SAP30BP: variants seen among roughly 807,000 people sequenced by gnomAD.
SAP30BP encodes SAP30 binding protein, also known as SAP30-binding protein.
Under a neutral mutation model 46.3 loss-of-function variants are expected in SAP30BP, and 31 were observed. The observed-to-expected ratio is 0.67, with a 90% CI of 0.50 to 0.90. The LOEUF is 0.90. SAP30BP is among the 40% of genes least tolerant of loss of function. The probability of loss-of-function intolerance (pLI) is 0.00; values close to 1 mark genes in which losing one functional copy is unlikely to be tolerated. For missense variants in SAP30BP, 312 were observed against 391.0 expected (o/e 0.80, Z 1.70); for synonymous variants, 169 against 144.2 (o/e 1.17, Z -1.23).
chr17:75,704,914 C>G, intron 9 of SAP30BP, 100 bp downstream of exon 9: 1 of 923,548 alleles, frequency 1.1e-6, no homozygotes, highest in South Asian at 1.3e-5. Context: ...CCAACCCTGG[C>G]CCCGTGTCAT....
In SAP30BP at chr17:75,668,509, C is replaced by T. The variant is rs2059846878; in HGVS notation, c.107-7C>T. On this transcript the variant is annotated splice_polypyrimidine_tract_variant and splice_region_variant and intron_variant, in intron 1 of 10. Coordinates refer to ENST00000584667, the MANE Select transcript of SAP30BP (RefSeq NM_013260.8). The stretch of plus-strand genomic sequence containing the variant: ...TTTGTTTGTTTGTTTGTTTTTTAAC[C>T]TTTCAGAGGAGAAAGGCGGATTGGT... The T allele has an allele frequency of 4.0e-6, 6 of 1,491,774 alleles. No homozygotes were observed. Among genetic ancestry groups the T allele is most frequent in the East Asian group, 2.4e-5 (1 of 41,602 alleles). The allele number at this position is 1,491,774 out of a possible 1,614,324, so 92.4% of individuals were successfully genotyped here.
At chr17:75,682,778 A>G (rs1473198716) in intron 3 of SAP30BP, among the ~76,000 whole-genome samples, 1 of 141,194 alleles carries the variant, frequency 7.1e-6, no homozygotes, top group Non-Finnish European at 1.5e-5. Context: ...CCTGGCCAAC[A>G]TAGTGAAACC....
At chr17:75,694,419 G>A (rs932136961) in intron 4 of SAP30BP, among the ~76,000 whole-genome samples, 9 of 152,342 alleles carry the variant, frequency 5.9e-5, no homozygotes, top group East Asian at 5.8e-4. Context: ...GTGGGAACAC[G>A]GTAACGCTGA....
chr17:75,674,697 G>GTTTTTTGTTTTTTTT (rs2059960357), intron 3 of SAP30BP, among the ~76,000 whole-genome samples: 8 of 61,534 alleles, frequency 1.3e-4, no homozygotes, highest in East Asian at 5.2e-4. Flanking sequence ...TTTGTTTTTT[G>GTTTTTTGTTTTTTTT]TTTTTTTTTT....
At chr17:75,683,258 G>A (rs2060111422) in intron 3 of SAP30BP, among the ~76,000 whole-genome samples, 2 of 151,470 alleles carry the variant, frequency 1.3e-5, no homozygotes, top group African/African-American at 2.4e-5. Flanking sequence ...TGTTGGCCAA[G>A]CTGGTCTCGG....
Position 75,703,323 on chromosome 17 carries a change from G to A in SAP30BP, c.501G>A (p.Lys167=), listed in dbSNP as rs1364514013. 1 of 1,614,152 alleles carries A rather than the reference G, an allele frequency of 6.2e-7. No individual in the cohort carries two copies. The highest frequency in any genetic ancestry group is 1.3e-5 in the African/African-American group (1 of 75,070). ...ACTGTTCTTTCAGCATCTACGAGAAGCTGATCCAGTTCTGTGCCATTGACG... is the reference window on the plus strand; with the variant it reads ...ACTGTTCTTTCAGCATCTACGAGAAACTGATCCAGTTCTGTGCCATTGACG... ...KEFRNPSIYE[K]LIQFCAIDEL... Residue 167 remains lysine, a synonymous_variant, in exon 7 of 11, where the codon AAG becomes AAA. Coordinates refer to ENST00000584667, the MANE Select transcript of SAP30BP (RefSeq NM_013260.8).
Position 75,703,351 on chromosome 17 carries a change from C to T in SAP30BP, c.529C>T (p.Leu177Phe). ...KLIQFCAIDELGTNYPKDMFD... is the reference protein window; with the variant it reads ...KLIQFCAIDEFGTNYPKDMFD... ...GATCCAGTTCTGTGCCATTGACGAG[C>T]TTGGCACCAACTACCCAAAGGTGCG... The change falls in exon 7 of 11, where the codon CTT becomes TTT. Residue 177 changes from leucine to phenylalanine, a missense_variant. Leu to Phe is a conservative substitution (Grantham distance 22). This residue lies in a region of SAP30BP where 296 missense variants were observed against 346.6 expected (regional missense o/e 0.85). Transcript: ENST00000584667. 6.2e-7 allele frequency: 1 copy of T among 1,614,118 alleles called. No homozygotes were observed. The highest frequency in any genetic ancestry group is 8.5e-7 in the Non-Finnish European group (1 of 1,180,004).
chr17:75,695,460 T>C (rs1233940303), intron 4 of SAP30BP, among the ~76,000 whole-genome samples: 5 of 152,224 alleles, frequency 3.3e-5, no homozygotes, highest in Non-Finnish European at 7.3e-5. Context: ...TTTCTTTTTG[T>C]AGCCAAGTAA....
chr17:75,703,470 TGGC>T (rs2060445963), intron 7 of SAP30BP, 99 bp downstream of exon 7: 1 of 1,036,378 alleles, frequency 9.6e-7, no homozygotes, highest in African/African-American at 1.6e-5. Flanking sequence ...GTCCACGTGG[TGGC>T]ACGGCTCGTT....
intron 4 of SAP30BP, among the ~76,000 whole-genome samples, chr17:75,694,538 C>G (rs2148408090): frequency 6.6e-6 from 1 of 152,316 alleles, no homozygotes; most frequent in African/African-American, 2.4e-5. Flanking sequence ...AGAGTTTCTT[C>G]TTTAGAAAGT....
chr17:75,687,618 G>GA (rs112544254), intron 3 of SAP30BP, among the ~76,000 whole-genome samples: 1,482 of 113,368 alleles, frequency 0.013, 19 homozygotes, highest in African/African-American at 0.026. Context: ...CCTGTCTCAG[G>GA]AAAAAAAAAA....
intron 1 of SAP30BP, chr17:75,668,001 C>T (rs1453429101): frequency 6.3e-6 from 1 of 158,280 alleles, no homozygotes; most frequent in African/African-American, 2.4e-5. Flanking sequence ...GGTGATTTTT[C>T]TTATTTTGTG....
intron 3 of SAP30BP, among the ~76,000 whole-genome samples, chr17:75,688,770 C>G (rs748344377): frequency 2.0e-5 from 3 of 152,204 alleles, no homozygotes; most frequent in Non-Finnish European, 4.4e-5. Context: ...CTCCAGTCAG[C>G]TTCATCAATG....
At chr17:75,673,792 A>G (rs2059942369) in intron 3 of SAP30BP, among the ~76,000 whole-genome samples, 1 of 152,146 alleles carries the variant, frequency 6.6e-6, no homozygotes, top group Admixed American at 6.5e-5. Flanking sequence ...AGCTGGGAAG[A>G]TTGTGGAAAT....
intron 3 of SAP30BP, among the ~76,000 whole-genome samples, chr17:75,673,479 G>A (rs528824316): frequency 6.6e-6 from 1 of 152,108 alleles, no homozygotes; most frequent in South Asian, 2.1e-4. Flanking sequence ...AGCCCAGGGA[G>A]CCGTTAAGTG....
chr17:75,684,345 A>G (rs1212609072), intron 3 of SAP30BP: 4 of 152,058 alleles, frequency 2.6e-5, no homozygotes, highest in Non-Finnish European at 5.9e-5. Context: ...TGAGTGGGAG[A>G]GTATATGCTT....
At chr17:75,679,760 T>A (rs2060047840) in intron 3 of SAP30BP, 1 of 152,208 alleles carries the variant, frequency 6.6e-6, no homozygotes, top group African/African-American at 2.4e-5. Context: ...TGATCTTGTC[T>A]CTTCGGTAAG....
intron 3 of SAP30BP, among the ~76,000 whole-genome samples, chr17:75,678,161 C>T (rs904042945): frequency 9.2e-5 from 14 of 151,634 alleles, no homozygotes; most frequent in Non-Finnish European, 1.3e-4. Flanking sequence ...TTTCTCATCG[C>T]GAAAATAATC....
At chr17:75,686,297 C>T (rs2060155177) in intron 3 of SAP30BP, among the ~76,000 whole-genome samples, 1 of 152,012 alleles carries the variant, frequency 6.6e-6, no homozygotes, top group Non-Finnish European at 1.5e-5. Context: ...GCAGGCAGAT[C>T]ACGAGGTCAG....
Sources: gnomAD v4.1 joint callset for allele counts (sites outside exome capture counted in the v4.1 genomes callset) on GRCh38, gnomAD v4.1.1 for gene constraint, gnomAD v4.1.1 regional missense constraint, MANE v1.5 for transcripts, NCBI Gene and HGNC (gene_info 2026-07-23, HGNC 2026-07-21) for gene names.